POLR2H: variants seen among roughly 807,000 people sequenced by gnomAD.
The protein encoded by POLR2H is DNA-directed RNA polymerases I, II, and III subunit RPABC3.
POLR2H carries 3 observed loss-of-function variants against 18.1 expected under a neutral mutation model. The observed-to-expected ratio is 0.17, with a 90% CI of 0.08 to 0.43. The LOEUF (loss-of-function observed/expected upper bound fraction) is 0.43. POLR2H is among the 20% of genes least tolerant of loss of function. The probability of loss-of-function intolerance (pLI) is 0.99; values close to 1 mark genes in which losing one functional copy is unlikely to be tolerated. For missense variants in POLR2H, 103 were observed against 184.6 expected (o/e 0.56, Z 2.56); for synonymous variants, 76 against 69.0 (o/e 1.10, Z -0.50).
rs548323545 is a variant in POLR2H at position 184,363,255 on chromosome 3, T to C, written c.-238T>C. 11 of 576,562 alleles carry C rather than the reference T, an allele frequency of 1.9e-5. No individual in the cohort carries two copies. The highest frequency in any genetic ancestry group is 3.1e-5 in the Non-Finnish European group (10 of 318,228). The allele number at this position is 576,562 out of a possible 1,614,324, so 35.7% of individuals were successfully genotyped here. On this transcript the variant is annotated 5_prime_UTR_variant, in exon 2 of 6. The change abolishes an upstream ATG in the 5' untranslated region. Transcript: ENST00000456318. ...ACCTGGACATGAGACCCGCCCTCAA[T>C]GCCGAAGCCTCTCGGAAGCAATCTT... is the stretch of plus-strand genomic sequence containing the variant.
At position 184,366,725 on chromosome 3, in the gene POLR2H, AGTT is replaced by A; in HGVS notation, c.261_263del (p.Gln87_Phe88delinsHis). On this transcript the variant is annotated inframe_deletion, in exon 5 of 6. Transcript: ENST00000456318. Reference sequence around the variant, plus strand: ...CTGCTATTGCTCCATAGGGCTGACCAGTTTGAGTATGTAATGTATGGAAAAGTG... The same window carrying A: ...CTGCTATTGCTCCATAGGGCTGACCATGAGTATGTAATGTATGGAAAAGTG... The A allele has an allele frequency of 6.3e-7, 1 of 1,590,602 alleles. No individual in the cohort carries two copies. The highest frequency in any genetic ancestry group is 8.6e-7 in the Non-Finnish European group (1 of 1,158,544).
At chr3:184,366,469 C>T (rs981535904) in intron 4 of POLR2H, 1 of 280,250 alleles carries the variant, frequency 3.6e-6, no homozygotes, top group African/African-American at 2.3e-5. Context: ...TCCTGAGTAG[C>T]TGGGACTACA....
At position 184,362,600 on chromosome 3, in the gene POLR2H, A is replaced by C. The variant is rs1463858859; in HGVS notation, c.-620-273A>C. ...TGATAGAAGCCAGCACTCAGGAGGA[A>C]GGGCCAGTGTGAGGGAAGAGCTGGT... is the stretch of plus-strand genomic sequence containing the variant. On this transcript the variant is annotated intron_variant, in intron 1 of 5. Coordinates refer to ENST00000456318, the MANE Select transcript of POLR2H (RefSeq NM_006232.5). This position sits in a 1 kb window ranked among gnomAD's most constrained non-coding sequence, Gnocchi z 5.9. The C allele has an allele frequency of 6.5e-6, 1 of 152,986 alleles. No homozygotes were observed. Among genetic ancestry groups the C allele is most frequent in the Admixed American group, 6.5e-5 (1 of 15,282 alleles). The allele number at this position is 152,986 out of a possible 1,614,324, so 9.5% of individuals were successfully genotyped here.
intron 4 of POLR2H, among the ~76,000 whole-genome samples, chr3:184,366,338 A>ATTTT (rs567119001): frequency 9.6e-5 from 13 of 135,148 alleles, no homozygotes; most frequent in African/African-American, 2.8e-4. Flanking sequence ...ACCAGTAACC[A>ATTTT]TTTTTTTTTT....
At position 184,363,563 on chromosome 3, in the gene POLR2H, G is replaced by C; in HGVS notation, c.71G>C (p.Arg24Pro). ...DIDPEGKKFD[R>P]VSRLHCESES... ...GACCCGGAGGGCAAGAAGTTTGACC[G>C]AGGTAAGTAAGGTATGTAGGGGCGG... Residue 24 changes from arginine (R) to proline (P), a missense_variant and splice_region_variant, in exon 2 of 6, where the codon CGA (arginine) becomes CCA (proline). By Grantham distance (103) the Arg-to-Pro change is moderately radical (BLOSUM62 -2). Coordinates refer to ENST00000456318, the MANE Select transcript of POLR2H (RefSeq NM_006232.5). 1 of 1,613,302 alleles carries C rather than the reference G, an allele frequency of 6.2e-7. No individual in the cohort carries two copies. Among genetic ancestry groups the C allele is most frequent in the Non-Finnish European group, 8.5e-7 (1 of 1,179,286 alleles).
Position 184,363,252 on chromosome 3 carries a change from C to G in POLR2H, c.-241C>G. 4 of 573,854 alleles carry G rather than the reference C, an allele frequency of 7.0e-6. No homozygotes were observed. The highest frequency in any genetic ancestry group is 1.3e-5 in the Non-Finnish European group (4 of 316,744). 35.5% of individuals were successfully genotyped at this position (573,854 alleles called of 1,614,324 possible). A position where few individuals can be genotyped will look rare whatever the true frequency, so the allele number is the denominator to read the frequency against. ...GCCACCTGGACATGAGACCCGCCCT[C>G]AATGCCGAAGCCTCTCGGAAGCAAT... On this transcript the variant is annotated 5_prime_UTR_variant, in exon 2 of 6. Transcript: ENST00000456318.
At chr3:184,368,015 G>A in intron 5 of POLR2H, 162 bp from the exon 6 acceptor site, 1 of 962,048 alleles carries the variant, frequency 1.0e-6, no homozygotes, top group Non-Finnish European at 1.5e-6. Context: ...CTTAGGCTGA[G>A]ATGGAACAGT....
chr3:184,366,783 T>A lies in POLR2H; in HGVS notation c.318T>A (p.Thr106=). 1 of 1,590,458 alleles carries A rather than the reference T, an allele frequency of 6.3e-7. No homozygotes were observed. The highest frequency in any genetic ancestry group is 8.6e-7 in the Non-Finnish European group (1 of 1,158,332). ...GGATTGAGGGAGATGAAACTTCTAC[T>A]GAAGCAGCAACACGCCTGTAAGTTA... is the stretch of plus-strand genomic sequence containing the variant. ...VYRIEGDETS[T]EAATRLSAYV... is the part of the protein sequence containing the mutation. Residue 106 remains threonine (T), a synonymous_variant, in exon 5 of 6, where the codon ACT becomes ACA. Coordinates refer to ENST00000456318, the MANE Select transcript of POLR2H (RefSeq NM_006232.5).
Position 184,363,367 on chromosome 3 carries a change from G to A in POLR2H, c.-126G>A. On this transcript the variant is annotated 5_prime_UTR_variant, in exon 2 of 6. Coordinates refer to ENST00000456318, the MANE Select transcript of POLR2H (RefSeq NM_006232.5). ...TTGTTTGTGCGCATGCGCCACTCTC[G>A]TCTGGCCGCCGCGCTTTCAGGAGGT... is the stretch of plus-strand genomic sequence containing the variant. 1 of 783,910 alleles carries A rather than the reference G, an allele frequency of 1.3e-6. No individual in the cohort carries two copies. Among genetic ancestry groups the A allele is most frequent in the Non-Finnish European group, 2.2e-6 (1 of 453,214 alleles). 48.6% of individuals were successfully genotyped at this position (783,910 alleles called of 1,614,324 possible). A position where few individuals can be genotyped will look rare whatever the true frequency, so the allele number is the denominator to read the frequency against.
chr3:184,368,141 T>C (rs760927613), intron 5 of POLR2H, 36 bp from the exon 6 acceptor site: 17 of 1,613,760 alleles, frequency 1.1e-5, no homozygotes, highest in South Asian at 2.2e-5. Flanking sequence ...TGAGTGGCAG[T>C]GCTCCAGAAT....
chr3:184,366,338 AT>A (rs567119001), intron 4 of POLR2H, among the ~76,000 whole-genome samples: 26,952 of 134,846 alleles, frequency 0.2, 2,547 homozygotes, highest in Middle Eastern at 0.34. Context: ...ACCAGTAACC[AT>A]TTTTTTTTTT....
At chr3:184,363,912 G>A (rs1712773345) in intron 2 of POLR2H, among the ~76,000 whole-genome samples, 1 of 152,172 alleles carries the variant, frequency 6.6e-6, no homozygotes, top group Admixed American at 6.5e-5. Flanking sequence ...TTAGCCTGGC[G>A]TGGTGGCGGG....
chr3:184,366,699 G>C lies in POLR2H; in HGVS notation c.252-18G>C, dbSNP rs1165179958. On this transcript the variant is annotated intron_variant, in intron 4 of 5. Coordinates refer to ENST00000456318, the MANE Select transcript of POLR2H (RefSeq NM_006232.5). ...GTTAATTACTGTTAAGAATAACTTT[G>C]CTGCTATTGCTCCATAGGGCTGACC... The C allele has an allele frequency of 2.1e-6, 3 of 1,400,192 alleles. No individual in the cohort carries two copies. The South Asian group carries it at 3.5e-5, about 16-fold the overall frequency. The allele number at this position is 1,400,192 out of a possible 1,614,324, so 86.7% of individuals were successfully genotyped here.
chr3:184,365,510 A>AT, intron 4 of POLR2H: 1 of 376,572 alleles, frequency 2.7e-6, no homozygotes, highest in Non-Finnish European at 4.8e-6. Context: ...AAAAGAAGAG[A>AT]GAAAAAAAAA....
chr3:184,365,495 T>A (rs1577344120), intron 4 of POLR2H: 2 of 392,278 alleles, frequency 5.1e-6, no homozygotes, highest in Non-Finnish European at 9.1e-6. Context: ...ACCTCACTGC[T>A]ACAAAAAAGA....
At position 184,363,109 on chromosome 3, in the gene POLR2H, G is replaced by A; in HGVS notation, c.-384G>A. The A allele has an allele frequency of 2.2e-5, 7 of 317,686 alleles. No individual in the cohort carries two copies. The highest frequency in any genetic ancestry group is 1.8e-4 in the South Asian group (7 of 39,866). The allele number at this position is 317,686 out of a possible 1,614,324, so 19.7% of individuals were successfully genotyped here. A position where few individuals can be genotyped will look rare whatever the true frequency, so the allele number is the denominator to read the frequency against. On this transcript the variant is annotated 5_prime_UTR_variant, in exon 2 of 6. It introduces an in-frame stop codon into an upstream open reading frame of the 5' UTR. Coordinates refer to ENST00000456318, the MANE Select transcript of POLR2H (RefSeq NM_006232.5). ...GGGCCAAGGATCAAGGTCCCTGCCT[G>A]GGTTAGGCCCCCACGCATTCCAGTC... is the stretch of plus-strand genomic sequence containing the variant.
intron 4 of POLR2H, chr3:184,365,488 T>C: frequency 2.4e-6 from 1 of 410,626 alleles, no homozygotes; most frequent in Non-Finnish European, 4.3e-6. Context: ...TAGCGAAACC[T>C]CACTGCTACA....
At chr3:184,367,612 G>A (rs1376951480) in intron 5 of POLR2H, among the ~76,000 whole-genome samples, 1 of 151,370 alleles carries the variant, frequency 6.6e-6, no homozygotes, top group East Asian at 1.9e-4. Flanking sequence ...TCAGCCTCCT[G>A]AGTAGCTGGG....
chr3:184,367,587 C>T (rs1035164232), intron 5 of POLR2H, among the ~76,000 whole-genome samples: 69 of 151,490 alleles, frequency 4.6e-4, no homozygotes, highest in East Asian at 1.9e-4. Flanking sequence ...CCCGGGTTCA[C>T]GCCATTCTCC....
Sources: allele counts gnomAD v4.1 joint callset (sites outside exome capture counted in the v4.1 genomes callset), GRCh38; gene constraint gnomAD v4.1.1; non-coding constraint Gnocchi (gnomAD v3.1); transcripts MANE v1.5; gene names NCBI Gene and HGNC (gene_info 2026-07-23, HGNC 2026-07-21).